Variants in AGBL4 observed in about 807,000 individuals in gnomAD.
AGBL4 encodes the protein AGBL carboxypeptidase 4.
In AGBL4, 58 loss-of-function variants were observed where a neutral mutation model predicts 66.4. That is an observed-to-expected ratio of 0.87 (90% CI 0.71 to 1.09). AGBL4 has a LOEUF of 1.09. Among genes scored for constraint, AGBL4 ranks in the 50% least tolerant of loss-of-function variants. AGBL4 has a pLI of 0.00. For missense variants in AGBL4, 579 were observed against 631.0 expected (o/e 0.92, Z 0.88); for synonymous variants, 234 against 222.9 (o/e 1.05, Z -0.44).
At chr1:49,634,584 T>C (rs983351641) in intron 3 of AGBL4, among the ~76,000 whole-genome samples, 10 of 152,182 alleles carry the variant, frequency 6.6e-5, no homozygotes, top group Non-Finnish European at 8.8e-5. Flanking sequence ...TACCCAGTAA[T>C]GGGATTGCTG....
At chr1:49,449,648 A>T (rs2808617) in intron 3 of AGBL4, among the ~76,000 whole-genome samples, 7,429 of 151,852 alleles carry the variant, frequency 0.049, 573 homozygotes, top group African/African-American at 0.16. Context: ...GACTATAGAG[A>T]TTGCCTGCCA....
intron 2 of AGBL4, chr1:49,845,493 C>T: frequency 1.3e-6 from 2 of 1,575,794 alleles, no homozygotes; most frequent in Non-Finnish European, 1.7e-6. Context: ...GGGAGAAACC[C>T]TATCAGTGTG....
intron 6 of AGBL4, among the ~76,000 whole-genome samples, chr1:48,862,095 T>C (rs1332281969): frequency 6.6e-6 from 1 of 152,168 alleles, no homozygotes; most frequent in Non-Finnish European, 1.5e-5. Flanking sequence ...CCTTGAGAGA[T>C]CACAGTTGAT....
intron 4 of AGBL4, among the ~76,000 whole-genome samples, chr1:49,066,676 TAA>T (rs1644498088): frequency 6.6e-6 from 1 of 152,238 alleles, no homozygotes; most frequent in African/African-American, 2.4e-5. Context: ...TCTTTCTGGC[TAA>T]GTTTTAATCA....
intron 6 of AGBL4, among the ~76,000 whole-genome samples, chr1:48,728,307 G>A (rs1647507417): frequency 6.6e-6 from 1 of 151,744 alleles, no homozygotes; most frequent in Admixed American, 6.6e-5. Context: ...TTCCTCCCAA[G>A]CACCTGCAGG....
chr1:48,530,117 C>A (rs1375131676), downstream of AGBL4, among the ~76,000 whole-genome samples: 1 of 152,010 alleles, frequency 6.6e-6, no homozygotes, highest in Non-Finnish European at 1.5e-5. Context: ...TACCTGGAGA[C>A]AAATGGATAA....
chr1:48,940,874 C>T (rs1655909629), intron 5 of AGBL4, among the ~76,000 whole-genome samples: 1 of 152,162 alleles, frequency 6.6e-6, no homozygotes, highest in African/African-American at 2.4e-5. Context: ...GTCAGAGCTA[C>T]ATATGAGTTT....
At chr1:49,963,394 G>A (rs1657279961) in intron 1 of AGBL4, among the ~76,000 whole-genome samples, 1 of 152,150 alleles carries the variant, frequency 6.6e-6, no homozygotes, top group Admixed American at 6.5e-5. Flanking sequence ...ACTGAACTGG[G>A]AACACCAGAG....
chr1:48,524,155 C>T, the AGBL4 span, among the ~76,000 whole-genome samples: 1 of 152,126 alleles, frequency 6.6e-6, no homozygotes, highest in African/African-American at 2.4e-5. Context: ...TCAGTGAGTG[C>T]TTCTGAAATT....
At chr1:49,178,843 C>A (rs1646877358) in intron 4 of AGBL4, among the ~76,000 whole-genome samples, 1 of 152,132 alleles carries the variant, frequency 6.6e-6, no homozygotes, top group Admixed American at 6.5e-5. Context: ...TGAATATAAT[C>A]TTTAATTAGT....
chr1:49,983,783 T>C (rs1198495357), intron 1 of AGBL4, among the ~76,000 whole-genome samples: 2 of 152,258 alleles, frequency 1.3e-5, no homozygotes, highest in African/African-American at 4.8e-5. Context: ...GCTATAACCA[T>C]AGATCAGTTA....
chr1:49,564,564 A>T (rs1465799778), intron 3 of AGBL4, among the ~76,000 whole-genome samples: 1 of 151,820 alleles, frequency 6.6e-6, no homozygotes, highest in Non-Finnish European at 1.5e-5. Flanking sequence ...TTTGTTATGT[A>T]CCCAGTAGTC....
chr1:49,511,768 T>A (rs1160838407), intron 3 of AGBL4, among the ~76,000 whole-genome samples: 4 of 151,958 alleles, frequency 2.6e-5, no homozygotes, highest in African/African-American at 9.7e-5. Context: ...AACCTGCTAC[T>A]GATTCATTCT....
intron 9 of AGBL4, among the ~76,000 whole-genome samples, chr1:48,601,989 C>A (rs1304589150): frequency 6.6e-6 from 1 of 152,122 alleles, no homozygotes; most frequent in East Asian, 1.9e-4. Context: ...GCTGTGAGAG[C>A]TGAGGAACAT....
At chr1:49,594,057 C>T (rs1240223731) in intron 3 of AGBL4, among the ~76,000 whole-genome samples, 1 of 152,132 alleles carries the variant, frequency 6.6e-6, no homozygotes, top group African/African-American at 2.4e-5. Context: ...CCTCAGGCAG[C>T]GTTGCAGAAA....
intron 3 of AGBL4, among the ~76,000 whole-genome samples, chr1:49,549,502 G>T (rs1362185592): frequency 2.6e-5 from 4 of 152,042 alleles, no homozygotes; most frequent in Non-Finnish European, 2.9e-5. Flanking sequence ...TCAGTTTGAA[G>T]AATTTCTTAA....
intron 9 of AGBL4, among the ~76,000 whole-genome samples, chr1:48,630,254 C>A (rs1557839993): frequency 6.6e-6 from 1 of 152,174 alleles, no homozygotes; most frequent in East Asian, 1.9e-4. Flanking sequence ...AGGAAAGCAG[C>A]CTTTGAAGTC....
At chr1:50,003,629 C>T (rs1007154016) in intron 1 of AGBL4, among the ~76,000 whole-genome samples, 1 of 152,054 alleles carries the variant, frequency 6.6e-6, no homozygotes, top group Non-Finnish European at 1.5e-5. Context: ...TTCTATTGGC[C>T]TGCCAGAGAG....
chr1:49,063,601 G>A (rs1189819400), intron 4 of AGBL4, among the ~76,000 whole-genome samples: 2 of 152,172 alleles, frequency 1.3e-5, no homozygotes, highest in African/African-American at 4.8e-5. Flanking sequence ...CAAGGTTTCT[G>A]TTTTTATGGG....
Sources: gnomAD v4.1 joint callset for allele counts (sites outside exome capture counted in the v4.1 genomes callset) on GRCh38, gnomAD v4.1.1 for gene constraint, MANE v1.5 for transcripts, NCBI Gene and HGNC (gene_info 2026-07-23, HGNC 2026-07-21) for gene names.